The following AGRN variants were observed in gnomAD, a reference collection of about 807,000 sequenced individuals.
The protein encoded by AGRN is agrin proteoglycan.
AGRN carries 106 observed loss-of-function variants against 211.0 expected under a neutral mutation model. That is an observed-to-expected ratio of 0.50 (90% CI 0.43 to 0.59). AGRN has a LOEUF of 0.59. AGRN is among the 20% of genes least tolerant of loss of function. The pLI, the probability that AGRN is intolerant of heterozygous loss-of-function variation, is 0.00. For synonymous variants in AGRN, 1,525 were observed against 1,332.5 expected (o/e 1.14, Z -3.15); for missense variants, 3,040 against 2,982.6 (o/e 1.02, Z -0.45).
Position 1,042,162 on chromosome 1 carries a change from G to T in AGRN, c.1384G>T (p.Asp462Tyr). The change falls in exon 7 of 36, where the codon GAC (aspartate) becomes TAC (tyrosine). Residue 462 changes from aspartate (D) to tyrosine (Y), a missense_variant and splice_region_variant. This residue lies in a region of AGRN where 1,498 missense variants were observed against 1,457.8 expected (regional missense o/e 1.03). Transcript: ENST00000379370. The part of the protein sequence containing the change: ...AIPSKHQGPC[D>Y]QAPSPCLGVQ... ...CCCCAGCAAGCACCAGGGCCCGTGT[G>T]GTGAGCGCCCCGGGGTGGAGGCCAG... 1 of 1,593,108 alleles carries T rather than the reference G, an allele frequency of 6.3e-7. No individual in the cohort carries two copies.
At position 1,045,256 on chromosome 1, in the gene AGRN, G is replaced by C; in HGVS notation, c.2350G>C (p.Val784Leu). The C allele has an allele frequency of 6.2e-7, 1 of 1,611,644 alleles. No homozygotes were observed. Among genetic ancestry groups the C allele is most frequent in the South Asian group, 1.1e-5 (1 of 90,956 alleles). Residue 784 changes from valine to leucine, a missense_variant, in exon 13 of 36, where the codon GTG becomes CTG. Val to Leu is a conservative substitution (Grantham distance 32). Coordinates refer to ENST00000379370, the MANE Select transcript of AGRN (RefSeq NM_198576.4). ...GGACAATATCACCGCAGCCCGGGGC[G>C]TGGGCCTGGCTGGCTGCCCCAGTGA... ...CQDNITAARG[V>L]GLAGCPSACQ...
Position 1,054,503 on chromosome 1 carries a change from T to C in AGRN, c.5932T>C (p.Ser1978Pro). Residue 1978 changes from serine (S) to proline (P), a missense_variant, in exon 35 of 36, where the codon TCC (serine) becomes CCC (proline). Transcript: ENST00000379370. ...CAATGAGGCCCCTGTGACCGGCTCC[T>C]CCCCGCTGGGCGCCACGCAGCTGGA... The part of the protein sequence containing the change: ...VGNEAPVTGS[S>P]PLGATQLDTD... The C allele has an allele frequency of 6.2e-7, 1 of 1,603,558 alleles. No individual in the cohort carries two copies.
rs144883257 is a variant in AGRN at position 1,032,776 on chromosome 1, G to A, written c.464-2501G>A. Among the ~76,000 whole-genome samples the A allele has an allele frequency of 1.4e-4, 21 of 152,318 alleles. No homozygotes were observed. Among genetic ancestry groups the A allele is most frequent in the Admixed American group, 5.9e-4 (9 of 15,302 alleles). ...CATTGCAGGGACAGAGGAGAGGGCA[G>A]GGTAATGGGTGCGCAGGGGTCCCTT... On this transcript the variant is annotated intron_variant, in intron 2 of 35. Coordinates refer to ENST00000379370, the MANE Select transcript of AGRN (RefSeq NM_198576.4). This position sits in a 1 kb window ranked among gnomAD's most constrained non-coding sequence, Gnocchi z 4.7.
At chr1:1,025,741 G>A (rs1644507879) in intron 2 of AGRN, among the ~76,000 whole-genome samples, 1 of 151,332 alleles carries the variant, frequency 6.6e-6, no homozygotes, top group Admixed American at 6.6e-5. Flanking sequence ...GGAGGGCGGA[G>A]GGCCTACCTC....
chr1:1,049,481 G>C (rs374154567), intron 25 of AGRN, 30 bp downstream of exon 25: 2 of 1,599,956 alleles, frequency 1.3e-6, no homozygotes, highest in African/African-American at 1.3e-5. Context: ...GTGTGGCCCC[G>C]ACCCCGGCCC....
At position 1,050,684 on chromosome 1, in the gene AGRN, C is replaced by T. The variant is rs770618677; in HGVS notation, c.5142-42C>T. On this transcript the variant is annotated intron_variant, in intron 29 of 35. Transcript: ENST00000379370. The stretch of plus-strand genomic sequence containing the variant: ...CTCAGGCCCTGGGTGGTCGCGTGGC[C>T]GGTGGTGGACAGAGCCCACTCACGC... The T allele has an allele frequency of 7.3e-5, 117 of 1,601,660 alleles. 1 individual carries two copies. Among genetic ancestry groups the T allele is most frequent in the Non-Finnish European group, 9.4e-5 (110 of 1,176,368 alleles).
intron 24 of AGRN, 60 bp downstream of exon 24, chr1:1,049,119 G>C: frequency 2.0e-6 from 2 of 995,384 alleles, no homozygotes; most frequent in Non-Finnish European, 2.7e-6. Flanking sequence ...GACGGGCGGG[G>C]GAGGGGGGGC....
At chr1:1,040,938 C>T in intron 4 of AGRN, 58 bp downstream of exon 4, 3 of 1,161,314 alleles carry the variant, frequency 2.6e-6, no homozygotes, top group Non-Finnish European at 3.3e-6. Context: ...TGAGATGGAG[C>T]GAGGCTGGGA....
rs1017819577 is a variant in AGRN at position 1,035,455 on chromosome 1, C to G, written c.511+131C>G. 1.2e-5 allele frequency: 16 copies of G among 1,281,616 alleles called. No homozygotes were observed. The African/African-American group carries it at 1.8e-4, about 14-fold the overall frequency. 79.4% of individuals were successfully genotyped at this position (1,281,616 alleles called of 1,614,324 possible). A position where few individuals can be genotyped will look rare whatever the true frequency, so the allele number is the denominator to read the frequency against. On this transcript the variant is annotated intron_variant, in intron 3 of 35. Transcript: ENST00000379370. ...GGAGGAGGCTGGACAAGGGCACCTG[C>G]GTCTGTCCTGGGAGTCCGCAGCGGT...
chr1:1,049,194 CG>C lies in AGRN; in HGVS notation c.4299-38del, dbSNP rs1178573751. ...GCAGCTCAGGTAGGCGGGGTGGGGA[CG>C]GGGCCGGGCGATGGTCCTGAGCACC... On this transcript the variant is annotated intron_variant, in intron 24 of 35. Coordinates refer to ENST00000379370, the MANE Select transcript of AGRN (RefSeq NM_198576.4). 23 of 1,446,390 alleles carry C rather than the reference CG, an allele frequency of 1.6e-5. No individual in the cohort carries two copies. The African/African-American group carries it at 2.2e-4, about 14-fold the overall frequency. 89.6% of individuals were successfully genotyped at this position (1,446,390 alleles called of 1,614,324 possible).
intron 24 of AGRN, 68 bp from the exon 25 acceptor site, chr1:1,049,168 G>A: frequency 1.2e-6 from 1 of 811,148 alleles, no homozygotes; most frequent in Non-Finnish European, 1.7e-6. Flanking sequence ...ACGGGGGCGG[G>A]GCAGCTCAGG....
At position 1,043,423 on chromosome 1, in the gene AGRN, G is replaced by A. The variant is rs766095184; in HGVS notation, c.1569G>A (p.Gly523=). The stretch of plus-strand genomic sequence containing the variant: ...TGGAGGCCACGGCCTGTACCCTCGG[G>A]CGGGAGATCCAGGTGGCGCGCAAAG... ...CELEATACTL[G]REIQVARKGP... The change falls in exon 8 of 36, where the codon GGG becomes GGA. Residue 523 remains glycine (G), a synonymous_variant. Transcript: ENST00000379370. 6.2e-7 allele frequency: 1 copy of A among 1,607,840 alleles called. No individual in the cohort carries two copies. The highest frequency in any genetic ancestry group is 8.5e-7 in the Non-Finnish European group (1 of 1,178,516).
At chr1:1,050,351 G>A (rs2100682507) in intron 28 of AGRN, 22 bp downstream of exon 28, 1 of 1,612,786 alleles carries the variant, frequency 6.2e-7, no homozygotes, top group Non-Finnish European at 8.5e-7. Flanking sequence ...AGGAGCAGGG[G>A]GAAGGGCCGG....
intron 33 of AGRN, chr1:1,053,280 C>T (rs970722193): frequency 1.5e-5 from 6 of 412,080 alleles, no homozygotes; most frequent in African/African-American, 1.2e-4. Context: ...TCACGTGTCT[C>T]GTGTCCGCAC....
Position 1,044,227 on chromosome 1 carries a change from C to T in AGRN, c.2118C>T (p.Asp706=). 1 of 1,613,012 alleles carries T rather than the reference C, an allele frequency of 6.2e-7. No homozygotes were observed. Among genetic ancestry groups the T allele is most frequent in the Non-Finnish European group, 8.5e-7 (1 of 1,179,894 alleles). ...EDSEDGPCVC[D]FSCQSVPGSP... is the part of the protein sequence containing the mutation. ...CGGAGGACGGGCCGTGTGTCTGTGA[C>T]TTCAGCTGCCAGAGTGTCCCAGGCA... Residue 706 remains aspartate (D), a synonymous_variant, in exon 11 of 36, where the codon GAC becomes GAT. Coordinates refer to ENST00000379370, the MANE Select transcript of AGRN (RefSeq NM_198576.4).
At position 1,022,273 on chromosome 1, in the gene AGRN, G is replaced by T; in HGVS notation, c.274G>T (p.Val92Leu). Residue 92 changes from valine to leucine, a missense_variant, in exon 2 of 36, where the codon GTG becomes TTG. Transcript: ENST00000379370. ...RESLLDGGNK[V>L]VISGFGDPLI... ...GAGCCTGCTGGACGGCGGCAACAAG[G>T]TGGTGATCAGCGGCTTTGGAGACCC... 1 of 1,613,300 alleles carries T rather than the reference G, an allele frequency of 6.2e-7. No individual in the cohort carries two copies. The highest frequency in any genetic ancestry group is 1.3e-5 in the African/African-American group (1 of 75,058).
chr1:1,036,222 G>A (rs936088482), intron 3 of AGRN, among the ~76,000 whole-genome samples: 7 of 152,172 alleles, frequency 4.6e-5, no homozygotes, highest in African/African-American at 1.4e-4. Flanking sequence ...TGGATAGATC[G>A]TCTCGGCCAC....
intron 32 of AGRN, 28 bp from the exon 33 acceptor site, chr1:1,051,700 G>T (rs776678814): frequency 5.6e-6 from 9 of 1,613,160 alleles, no homozygotes; most frequent in Non-Finnish European, 7.6e-6. Context: ...AGCCCACGAG[G>T]CCCCACCCTC....
chr1:1,035,790 G>A (rs1242542418), intron 3 of AGRN, among the ~76,000 whole-genome samples: 1 of 152,080 alleles, frequency 6.6e-6, no homozygotes, highest in Non-Finnish European at 1.5e-5. Context: ...TGTCTGGGGA[G>A]GGGCCTGGAG....
Sources: gnomAD v4.1 joint callset for allele counts (sites outside exome capture counted in the v4.1 genomes callset) on GRCh38, gnomAD v4.1.1 for gene constraint, gnomAD v4.1.1 regional missense constraint, Gnocchi (gnomAD v3.1) non-coding constraint, MANE v1.5 for transcripts, NCBI Gene and HGNC (gene_info 2026-07-23, HGNC 2026-07-21) for gene names.